ZBTB46: variants seen among roughly 807,000 people sequenced by gnomAD.
ZBTB46 encodes the protein zinc finger and BTB domain containing 46.
A neutral mutation model predicts 44.1 loss-of-function variants in ZBTB46; 8 were observed. The observed-to-expected ratio is 0.18, with a 90% confidence interval of 0.11 to 0.33. The LOEUF (loss-of-function observed/expected upper bound fraction) is 0.33, where lower values mean the gene tolerates loss of function less well. Among genes scored for constraint, ZBTB46 ranks in the 10% least tolerant of loss-of-function variants. ZBTB46 has a pLI of 1.00. For missense variants in ZBTB46, 651 were observed against 847.7 expected (o/e 0.77, Z 2.88); for synonymous variants, 409 against 382.3 (o/e 1.07, Z -0.81).
chr20:63,796,592 G>A (rs1312807938), intron 1 of ZBTB46, among the ~76,000 whole-genome samples: 4 of 152,232 alleles, frequency 2.6e-5, no homozygotes, highest in Admixed American at 2.0e-4. Flanking sequence ...TTGGGAGGCC[G>A]AGGCGGGCGG....
rs545411452 is a variant in ZBTB46 at position 63,746,606 on chromosome 20, G to A, written c.*324C>T. ...CTGGACCCGGCCACAGGCCCATCAC[G>A]TGTCCAAGCCAGGCTGGCCATCACA... On this transcript the variant is annotated 3_prime_UTR_variant, in exon 5 of 5. Coordinates refer to ENST00000245663, the MANE Select transcript of ZBTB46 (RefSeq NM_001369741.1). The A allele has an allele frequency of 2.9e-5, 9 of 313,180 alleles. No homozygotes were observed. In the Admixed American group the frequency reaches 4.0e-4, roughly 14 times the overall value. The allele number at this position is 313,180 out of a possible 1,614,324, so 19.4% of individuals were successfully genotyped here. A position where few individuals can be genotyped will look rare whatever the true frequency, so the allele number is the denominator to read the frequency against.
intron 3 of ZBTB46, chr20:63,769,139 G>A (rs2092345665): frequency 4.1e-6 from 4 of 970,610 alleles, no homozygotes; most frequent in Non-Finnish European, 4.9e-6. Context: ...CTCCTCGGAG[G>A]TGCCCGGGCT....
chr20:63,791,877 G>A (rs576370233), intron 1 of ZBTB46, among the ~76,000 whole-genome samples: 22 of 152,168 alleles, frequency 1.4e-4, no homozygotes, highest in Non-Finnish European at 2.6e-4. Context: ...GCCTGTTCTC[G>A]TCTGCTGGGG....
chr20:63,789,459 C>A (rs895350715), intron 2 of ZBTB46, among the ~76,000 whole-genome samples: 1 of 152,216 alleles, frequency 6.6e-6, no homozygotes, highest in Non-Finnish European at 1.5e-5. Flanking sequence ...CAGGGGAAGC[C>A]GACCCTGCAG....
chr20:63,747,461 GGGGGC>G lies in ZBTB46; in HGVS notation c.1399-165_1399-161del, dbSNP rs1448253848. Among the ~76,000 whole-genome samples, 330 of 46,826 alleles carry G rather than the reference GGGGGC, an allele frequency of 7.0e-3. 24 individuals carry two copies. The highest frequency in any genetic ancestry group is 0.023 in the East Asian group (21 of 898). 30.7% of individuals were successfully genotyped at this position (46,826 alleles called of 152,430 possible). A position where few individuals can be genotyped will look rare whatever the true frequency, so the allele number is the denominator to read the frequency against. On this transcript the variant is annotated intron_variant, in intron 4 of 4. Transcript: ENST00000245663. Reference sequence around the variant, plus strand: ...GTGAGCAGGGCCTGGTGGAGGTGGGGGGGGCGGGGCAGGGGGTGAGCAGGGCCCGG... The same window carrying G: ...GTGAGCAGGGCCTGGTGGAGGTGGGGGGGGCAGGGGGTGAGCAGGGCCCGG...
chr20:63,751,523 G>A (rs2092162072), intron 4 of ZBTB46, among the ~76,000 whole-genome samples: 2 of 152,124 alleles, frequency 1.3e-5, no homozygotes, highest in South Asian at 2.1e-4. Context: ...TGACCTCAGG[G>A]AGCTCCCACA....
At position 63,803,502 on chromosome 20, in the gene ZBTB46, T is replaced by C. The variant is rs1398861534; in HGVS notation, c.-33-12712A>G. ...CGATGAGGACTTTAGGTTTTCCACATGGCAGCCCCCATGTGGCCATCTGAA... is the reference window on the plus strand; with the variant it reads ...CGATGAGGACTTTAGGTTTTCCACACGGCAGCCCCCATGTGGCCATCTGAA... On this transcript the variant is annotated intron_variant, in intron 1 of 4. Coordinates refer to ENST00000245663, the MANE Select transcript of ZBTB46 (RefSeq NM_001369741.1). This position sits in a 1 kb window ranked among gnomAD's most constrained non-coding sequence, Gnocchi z 4.0. 2.0e-6 allele frequency: 2 copies of C among 985,234 alleles called. No individual in the cohort carries two copies. The highest frequency in any genetic ancestry group is 1.7e-5 in the African/African-American group (1 of 57,202). The allele number at this position is 985,234 out of a possible 1,614,324, so 61.0% of individuals were successfully genotyped here. A position where few individuals can be genotyped will look rare whatever the true frequency, so the allele number is the denominator to read the frequency against.
chr20:63,778,390 C>G (rs142381904), intron 2 of ZBTB46, among the ~76,000 whole-genome samples: 295 of 152,306 alleles, frequency 1.9e-3, no homozygotes, highest in African/African-American at 6.9e-3. Flanking sequence ...CAGATATTTT[C>G]CCACAGCAAG....
At chr20:63,818,477 A>G (rs907057554) in intron 1 of ZBTB46, among the ~76,000 whole-genome samples, 2 of 152,214 alleles carry the variant, frequency 1.3e-5, no homozygotes, top group Admixed American at 6.5e-5. Context: ...GGCATGTTCT[A>G]CAGCAACAGT....
chr20:63,769,032 C>T (rs2092344705), intron 3 of ZBTB46, among the ~76,000 whole-genome samples: 2 of 152,216 alleles, frequency 1.3e-5, no homozygotes, highest in Non-Finnish European at 2.9e-5. Context: ...ATTGCAAAAG[C>T]GAATAACTCG....
At chr20:63,819,151 C>G (rs183554781) in intron 1 of ZBTB46, among the ~76,000 whole-genome samples, 1 of 152,008 alleles carries the variant, frequency 6.6e-6, no homozygotes, top group Non-Finnish European at 1.5e-5. Context: ...CCAGCCTGGG[C>G]GACAGAGTGA....
chr20:63,753,732 G>A (rs1040071052), intron 3 of ZBTB46, among the ~76,000 whole-genome samples: 18 of 152,380 alleles, frequency 1.2e-4, no homozygotes, highest in African/African-American at 4.3e-4. Context: ...TGCATACTGT[G>A]ACCACCTTTC....
intron 3 of ZBTB46, among the ~76,000 whole-genome samples, chr20:63,768,792 T>C (rs949729513): frequency 6.6e-6 from 1 of 151,942 alleles, no homozygotes; most frequent in Admixed American, 6.6e-5. Context: ...CCACCAGGGC[T>C]CTGTGAGGCT....
intron 2 of ZBTB46, among the ~76,000 whole-genome samples, chr20:63,777,480 A>T (rs1249173251): frequency 6.6e-6 from 1 of 152,134 alleles, no homozygotes; most frequent in Admixed American, 6.5e-5. Context: ...AACAACAACA[A>T]AAAAGATCAG....
intron 2 of ZBTB46, among the ~76,000 whole-genome samples, chr20:63,788,893 T>C (rs2092537369): frequency 6.9e-6 from 1 of 144,816 alleles, no homozygotes; most frequent in African/African-American, 2.5e-5. Context: ...TGGAGTGCAA[T>C]GGCGCGATCT....
intron 2 of ZBTB46, among the ~76,000 whole-genome samples, chr20:63,778,223 A>G (rs73916651): frequency 0.017 from 2,646 of 152,274 alleles, 86 homozygotes; most frequent in African/African-American, 0.06. Flanking sequence ...CAACAACAAC[A>G]AAAACAACAA....
intron 3 of ZBTB46, among the ~76,000 whole-genome samples, chr20:63,753,547 T>A (rs1049148359): frequency 8.5e-5 from 13 of 152,210 alleles, no homozygotes; most frequent in Admixed American, 3.3e-4. Context: ...GTTATGCTAC[T>A]CAGGCCCAGA....
intron 3 of ZBTB46, among the ~76,000 whole-genome samples, chr20:63,774,893 CG>C (rs2092410785): frequency 6.6e-6 from 1 of 151,950 alleles, no homozygotes; most frequent in East Asian, 1.9e-4. Flanking sequence ...TTAGTAGAGA[CG>C]GGGTTTCACC....
intron 1 of ZBTB46, among the ~76,000 whole-genome samples, chr20:63,813,755 C>T (rs1601527291): frequency 6.6e-6 from 1 of 152,242 alleles, no homozygotes; most frequent in African/African-American, 2.4e-5. Context: ...AGCACATGGC[C>T]CTCATCCCAA....
Sources: gnomAD v4.1 joint callset for allele counts (sites outside exome capture counted in the v4.1 genomes callset) on GRCh38, gnomAD v4.1.1 for gene constraint, Gnocchi (gnomAD v3.1) non-coding constraint, MANE v1.5 for transcripts, NCBI Gene and HGNC (gene_info 2026-07-23, HGNC 2026-07-21) for gene names.